SHISA9: variants seen among roughly 807,000 people sequenced by gnomAD.
SHISA9 encodes shisa family member 9.
A neutral mutation model predicts 38.0 loss-of-function variants in SHISA9; 13 were observed. That is an observed-to-expected ratio of 0.34 (90% CI 0.22 to 0.54). The LOEUF is 0.54. Ranked by LOEUF, SHISA9 falls within the 20% of genes least tolerant of loss-of-function variation. The pLI is 0.91. For missense variants in SHISA9, 538 were observed against 575.8 expected, an observed-to-expected ratio of 0.93 and a Z score of 0.67; for synonymous variants, 275 against 242.0, an observed-to-expected ratio of 1.14 and a Z score of -1.27.
intron 2 of SHISA9, among the ~76,000 whole-genome samples, chr16:13,049,352 C>T (rs1013568435): frequency 6.6e-5 from 10 of 152,084 alleles, no homozygotes; most frequent in Non-Finnish European, 1.2e-4. Context: ...GACCAGATGA[C>T]GTAGGATTCA....
intron 2 of SHISA9, among the ~76,000 whole-genome samples, chr16:13,166,605 C>A (rs923482499): frequency 6.6e-6 from 1 of 152,154 alleles, no homozygotes; most frequent in African/African-American, 2.4e-5. Flanking sequence ...CATTCTCCCC[C>A]GCTTGAATGT....
intron 2 of SHISA9, among the ~76,000 whole-genome samples, chr16:13,114,990 C>T (rs868572021): frequency 3.0e-5 from 4 of 133,652 alleles, no homozygotes; most frequent in Non-Finnish European, 4.6e-5. Flanking sequence ...ATCTATCTAT[C>T]GATCATCTAT....
In SHISA9 at chr16:12,940,585, A is replaced by C. The variant is rs148087755; in HGVS notation, c.691+23770A>C. On this transcript the variant is annotated intron_variant, in intron 2 of 4. Coordinates refer to ENST00000558583, the MANE Select transcript of SHISA9 (RefSeq NM_001145204.3). ...AGAAGCTGCATTAGAGAAAATAAAA[A>C]CCCCTGCTTTCCTTTGTTCTGTGTG... Among the ~76,000 whole-genome samples the C allele has an allele frequency of 5.8e-3, 888 of 151,980 alleles. 7 individuals are homozygous for C. The highest frequency in any genetic ancestry group is 0.034 in the Middle Eastern group (10 of 294).
the SHISA9 span, among the ~76,000 whole-genome samples, chr16:13,385,268 A>T: frequency 1.4e-3 from 206 of 152,362 alleles, no homozygotes; most frequent in African/African-American, 4.8e-3. Context: ...TTAAACCTGC[A>T]AGAATCAGCA....
intron 4 of SHISA9, among the ~76,000 whole-genome samples, chr16:13,217,337 C>G (rs989596917): frequency 1.3e-5 from 2 of 152,162 alleles, no homozygotes; most frequent in Non-Finnish European, 2.9e-5. Context: ...AAGACACCAT[C>G]TCAAGACCAG....
intron 2 of SHISA9, among the ~76,000 whole-genome samples, chr16:13,059,139 T>G (rs915978719): frequency 1.4e-5 from 2 of 143,700 alleles, no homozygotes; most frequent in African/African-American, 5.2e-5. Flanking sequence ...TTTTTTTTTT[T>G]TTTTTTGAGA....
At chr16:12,980,916 T>G (rs1717536890) in intron 2 of SHISA9, among the ~76,000 whole-genome samples, 1 of 152,202 alleles carries the variant, frequency 6.6e-6, no homozygotes, top group Non-Finnish European at 1.5e-5. Context: ...TTTAAATATT[T>G]TCTTATTCCT....
At chr16:13,245,254 T>C, downstream of SHISA9, among the ~76,000 whole-genome samples, 1 of 152,132 alleles carries the variant, frequency 6.6e-6, no homozygotes, top group East Asian at 1.9e-4. Context: ...CATGCTAAAT[T>C]TCAACTAGAG....
At chr16:13,211,431 T>A (rs1464822130) in intron 3 of SHISA9, among the ~76,000 whole-genome samples, 1 of 152,234 alleles carries the variant, frequency 6.6e-6, no homozygotes, top group Non-Finnish European at 1.5e-5. Context: ...CAGTTCATAA[T>A]TTTACAATAG....
intron 1 of SHISA9, among the ~76,000 whole-genome samples, chr16:12,906,924 C>A (rs1234472616): frequency 6.6e-6 from 1 of 152,088 alleles, no homozygotes; most frequent in Non-Finnish European, 1.5e-5. Context: ...GCAAAACTGG[C>A]CCCAGTTGAG....
intron 2 of SHISA9, among the ~76,000 whole-genome samples, chr16:12,951,265 A>G (rs1219351791): frequency 6.6e-6 from 1 of 151,658 alleles, no homozygotes; most frequent in African/African-American, 2.4e-5. Context: ...AAAAGCAAAA[A>G]AAAAGAAAAG....
intron 2 of SHISA9, among the ~76,000 whole-genome samples, chr16:13,155,761 C>G (rs2142008060): frequency 6.6e-6 from 1 of 152,242 alleles, no homozygotes; most frequent in East Asian, 1.9e-4. Flanking sequence ...TGGTGAAGTC[C>G]ATGATATTAT....
intron 2 of SHISA9, among the ~76,000 whole-genome samples, chr16:12,986,628 G>C (rs1270740706): frequency 6.6e-6 from 1 of 152,210 alleles, no homozygotes; most frequent in Non-Finnish European, 1.5e-5. Flanking sequence ...CCTCTGCAGA[G>C]TCAGGGAATC....
the SHISA9 span, among the ~76,000 whole-genome samples, chr16:13,248,298 G>A: frequency 5.9e-5 from 9 of 152,258 alleles, no homozygotes; most frequent in South Asian, 6.2e-4. Flanking sequence ...GAGCATCTAC[G>A]ATGTGCCAGC....
At chr16:12,938,301 C>T (rs947537348) in intron 2 of SHISA9, among the ~76,000 whole-genome samples, 1 of 152,208 alleles carries the variant, frequency 6.6e-6, no homozygotes, top group Non-Finnish European at 1.5e-5. Context: ...CTTACTGCAA[C>T]TCTCCCTGGA....
intron 2 of SHISA9, among the ~76,000 whole-genome samples, chr16:13,178,505 C>T (rs564449288): frequency 7.9e-5 from 12 of 152,216 alleles, no homozygotes; most frequent in African/African-American, 2.2e-4. Flanking sequence ...AGCTGGTGCC[C>T]GCCCACGACT....
the SHISA9 span, among the ~76,000 whole-genome samples, chr16:13,533,778 T>TC: frequency 7.6e-6 from 1 of 132,144 alleles, no homozygotes; most frequent in Non-Finnish European, 1.6e-5. Flanking sequence ...ACCATAACTC[T>TC]CAATTTTTTT....
chr16:12,926,034 G>T (rs1476338191), intron 2 of SHISA9, among the ~76,000 whole-genome samples: 8 of 152,056 alleles, frequency 5.3e-5, no homozygotes, highest in African/African-American at 1.9e-4. Flanking sequence ...ACTGCATTTT[G>T]CTTCTCACAA....
chr16:13,398,483 C>A, the SHISA9 span, among the ~76,000 whole-genome samples: 5 of 149,616 alleles, frequency 3.3e-5, no homozygotes, highest in African/African-American at 9.9e-5. Flanking sequence ...AGGGTAGCTA[C>A]CAATGTGGTT....
Sources: allele counts gnomAD v4.1 joint callset (sites outside exome capture counted in the v4.1 genomes callset), GRCh38; gene constraint gnomAD v4.1.1; transcripts MANE v1.5; gene names NCBI Gene and HGNC (gene_info 2026-07-23, HGNC 2026-07-21).